MLPH: variants seen among roughly 807,000 people sequenced by gnomAD.
The protein encoded by MLPH is melanophilin, also known as exophilin-3.
Under a neutral mutation model 72.1 loss-of-function variants are expected in MLPH, and 51 were observed. The ratio of observed to expected loss-of-function variants is 0.71; its 90% CI spans 0.56 to 0.89. The LOEUF (loss-of-function observed/expected upper bound fraction) is 0.89, where lower values mean the gene tolerates loss of function less well. Among genes scored for constraint, MLPH ranks in the 40% least tolerant of loss-of-function variants. The pLI is 0.00. For synonymous variants in MLPH, 301 were observed against 310.1 expected, an observed-to-expected ratio of 0.97 and a Z score of 0.31; for missense variants, 743 against 759.9, an observed-to-expected ratio of 0.98 and a Z score of 0.26.
intron 13 of MLPH, among the ~76,000 whole-genome samples, chr2:237,548,594 C>T (rs953138600): frequency 6.6e-6 from 1 of 152,208 alleles, no homozygotes; most frequent in African/African-American, 2.4e-5. Flanking sequence ...ATTAGCCGGG[C>T]GCAGTGGCTC....
Position 237,512,706 on chromosome 2 carries a change from A to G in MLPH, c.445+1605A>G, listed in dbSNP as rs3087553. Among the ~76,000 whole-genome samples, 1 of 151,874 alleles carries G rather than the reference A, an allele frequency of 6.6e-6. No homozygotes were observed. The highest frequency in any genetic ancestry group is 1.5e-5 in the Non-Finnish European group (1 of 68,004). Reference sequence around the variant, plus strand: ...TGGTCCAGCCTCCAGTCCACCCCTAACAGGCTTAAGGATAGAAACGACACA... The same window carrying G: ...TGGTCCAGCCTCCAGTCCACCCCTAGCAGGCTTAAGGATAGAAACGACACA... On this transcript the variant is annotated intron_variant, in intron 4 of 15. Coordinates refer to ENST00000264605, the MANE Select transcript of MLPH (RefSeq NM_024101.7). The surrounding 1 kb of genome is among the most constrained non-coding windows in gnomAD (Gnocchi z 5.5).
At chr2:237,490,516 G>T (rs545924727) in intron 1 of MLPH, among the ~76,000 whole-genome samples, 7 of 152,208 alleles carry the variant, frequency 4.6e-5, no homozygotes, top group African/African-American at 1.7e-4. Flanking sequence ...CTTTTGTTTT[G>T]CTTTTCTTCC....
At chr2:237,550,679 A>G (rs1379275835) in intron 14 of MLPH, among the ~76,000 whole-genome samples, 1 of 152,088 alleles carries the variant, frequency 6.6e-6, no homozygotes, top group Non-Finnish European at 1.5e-5. Flanking sequence ...CCTCCTGAGT[A>G]GCTGGGATTA....
chr2:237,549,200 G>C, intron 13 of MLPH, 21 bp from the exon 14 acceptor site: 1 of 1,612,190 alleles, frequency 6.2e-7, no homozygotes, highest in South Asian at 1.1e-5. Flanking sequence ...ATGAAGCCTG[G>C]AGACACTCTG....
Position 237,489,486 on chromosome 2 carries a change from G to A in MLPH, c.-25+2049G>A, listed in dbSNP as rs572910371. Among the ~76,000 whole-genome samples, 8 of 152,324 alleles carry A rather than the reference G, an allele frequency of 5.3e-5. No homozygotes were observed. In the East Asian group the frequency reaches 1.5e-3, roughly 29 times the overall value. ...AGCCACTGATGAGAGCTGGGGGTCA[G>A]TGCCTACTGATGGGCCCCACCTATA... On this transcript the variant is annotated intron_variant, in intron 1 of 15. Transcript: ENST00000264605.
At chr2:237,493,573 C>T (rs563391842) in intron 2 of MLPH, 37 bp downstream of exon 2, 10 of 1,510,878 alleles carry the variant, frequency 6.6e-6, no homozygotes, top group Admixed American at 1.7e-5. Context: ...AGCCCGGGGT[C>T]CCTGATCTTC....
chr2:237,535,780 T>C lies in MLPH; in HGVS notation c.1104+1133T>C, dbSNP rs74557962. Among the ~76,000 whole-genome samples, 499 of 152,346 alleles carry C rather than the reference T, an allele frequency of 3.3e-3. 3 individuals are homozygous for C. Among genetic ancestry groups the C allele is most frequent in the Admixed American group, 7.5e-3 (115 of 15,310 alleles). On this transcript the variant is annotated intron_variant, in intron 9 of 15. Coordinates refer to ENST00000264605, the MANE Select transcript of MLPH (RefSeq NM_024101.7). ...AGGCAGAAACAGAGAAGTTTCTCAG[T>C]GTTACAGCATTTTCCATACAAGGCC... is the stretch of plus-strand genomic sequence containing the variant.
At chr2:237,491,515 G>A (rs1027734711) in intron 1 of MLPH, among the ~76,000 whole-genome samples, 1 of 152,212 alleles carries the variant, frequency 6.6e-6, no homozygotes, top group African/African-American at 2.4e-5. Flanking sequence ...GCCATGTGCT[G>A]GGAACGGACA....
At chr2:237,495,815 C>A (rs1019996093) in intron 2 of MLPH, among the ~76,000 whole-genome samples, 1 of 152,182 alleles carries the variant, frequency 6.6e-6, no homozygotes, top group African/African-American at 2.4e-5. Context: ...CCACGACCAC[C>A]TTCTCAAAGC....
chr2:237,496,660 T>G (rs889045448), intron 2 of MLPH, among the ~76,000 whole-genome samples: 8 of 152,238 alleles, frequency 5.3e-5, no homozygotes, highest in African/African-American at 1.9e-4. Context: ...TGAGGCTGTT[T>G]GCTCAGAATG....
intron 2 of MLPH, among the ~76,000 whole-genome samples, chr2:237,504,763 C>T (rs1348246134): frequency 6.6e-6 from 1 of 152,212 alleles, no homozygotes; most frequent in Non-Finnish European, 1.5e-5. Flanking sequence ...AATCTGAAGA[C>T]TCAGCTCTTT....
chr2:237,538,708 G>A (rs545790188), intron 9 of MLPH, among the ~76,000 whole-genome samples: 45 of 152,230 alleles, frequency 3.0e-4, no homozygotes, highest in African/African-American at 5.1e-4. Flanking sequence ...GAGTGATCCC[G>A]TCTGCAGCTT....
rs986780204 is a variant in MLPH, at chr2:237,510,703, G to C, written c.240G>C (p.Gln80His). The C allele has an allele frequency of 3.7e-6, 6 of 1,613,670 alleles. No homozygotes were observed. The African/African-American group carries it at 8.0e-5, about 22-fold the overall frequency. ...PYQLLVNSKR[Q>H]CLECGLFTCK... ...AGCTGCTTGTGAATAGCAAAAGGCA[G>C]TGCCTGGAATGTGGCCTCTTCACCT... Residue 80 changes from glutamine (Q) to histidine (H), a missense_variant, in exon 3 of 16, where the codon CAG becomes CAC. Coordinates refer to ENST00000264605, the MANE Select transcript of MLPH (RefSeq NM_024101.7). This position sits in a 1 kb window ranked among gnomAD's most constrained non-coding sequence, Gnocchi z 4.4.
Position 237,553,862 on chromosome 2 carries a change from G to A in MLPH, c.*270G>A. 1.6e-6 allele frequency: 1 copy of A among 644,408 alleles called. No homozygotes were observed. Among genetic ancestry groups the A allele is most frequent in the Admixed American group, 2.1e-5 (1 of 47,362 alleles). 39.9% of individuals were successfully genotyped at this position (644,408 alleles called of 1,614,324 possible). A position where few individuals can be genotyped will look rare whatever the true frequency, so the allele number is the denominator to read the frequency against. On this transcript the variant is annotated 3_prime_UTR_variant, in exon 16 of 16. Transcript: ENST00000264605. Reference sequence around the variant, plus strand: ...CTAAGCTGCTGTGACTTCCCTTTAGGACAATGTTGTGTAAATCTTTGAAGG... The same window carrying A: ...CTAAGCTGCTGTGACTTCCCTTTAGAACAATGTTGTGTAAATCTTTGAAGG...
At chr2:237,532,935 G>A (rs1271381802) in intron 8 of MLPH, among the ~76,000 whole-genome samples, 14 of 152,220 alleles carry the variant, frequency 9.2e-5, no homozygotes, top group Admixed American at 5.2e-4. Flanking sequence ...TGCAAAGACA[G>A]GAAGGCCTCT....
intron 5 of MLPH, 146 bp from the exon 6 acceptor site, chr2:237,519,764 C>A: frequency 8.4e-7 from 1 of 1,188,416 alleles, no homozygotes; most frequent in South Asian, 1.2e-5. Flanking sequence ...CAGGTTTGTT[C>A]CTAGTGGAGG....
chr2:237,553,254 A>T, intron 15 of MLPH: 1 of 525,574 alleles, frequency 1.9e-6, no homozygotes, highest in Non-Finnish European at 3.7e-6. Flanking sequence ...TTCATCTGAG[A>T]TGCAGTGGAA....
At chr2:237,530,169 CT>C (rs997766075) in intron 8 of MLPH, among the ~76,000 whole-genome samples, 3 of 152,200 alleles carry the variant, frequency 2.0e-5, no homozygotes, top group Non-Finnish European at 4.4e-5. Context: ...AGGCCTTGGC[CT>C]ACACTGTGGC....
In MLPH at chr2:237,511,014, T is replaced by C. The variant is rs2079886225; in HGVS notation, c.358T>C (p.Trp120Arg). The change falls in exon 4 of 16, where the codon TGG (tryptophan) becomes CGG (arginine). Residue 120 changes from tryptophan to arginine, a missense_variant. Trp to Arg is a moderately radical substitution (Grantham distance 101). Transcript: ENST00000264605. ...AGTCGTGAAGATCGGCTCACTGGAG[T>C]GGTACTATGAGCATGTGAAAGCCCG... ...ARVVKIGSLE[W>R]YYEHVKARFK... 2.5e-6 allele frequency: 4 copies of C among 1,612,854 alleles called. No homozygotes were observed. The highest frequency in any genetic ancestry group is 3.4e-6 in the Non-Finnish European group (4 of 1,179,798).
Sources: gnomAD v4.1 joint callset for allele counts (sites outside exome capture counted in the v4.1 genomes callset) on GRCh38, gnomAD v4.1.1 for gene constraint, Gnocchi (gnomAD v3.1) non-coding constraint, MANE v1.5 for transcripts, NCBI Gene and HGNC (gene_info 2026-07-23, HGNC 2026-07-21) for gene names.